TSPAN18: variants seen among roughly 807,000 people sequenced by gnomAD.
The protein encoded by TSPAN18 is tetraspanin 18, also known as tetraspanin-18.
TSPAN18 carries 14 observed loss-of-function variants against 27.3 expected under a neutral mutation model. The observed-to-expected ratio is 0.51, with a 90% CI of 0.34 to 0.80. TSPAN18 has a LOEUF of 0.80. Ranked by LOEUF, TSPAN18 falls within the 30% of genes least tolerant of loss-of-function variation. The pLI is 0.01. For missense variants in TSPAN18, 268 were observed against 323.9 expected (o/e 0.83, Z 1.32); for synonymous variants, 143 against 136.5 (o/e 1.05, Z -0.33).
rs114020613 is a variant in TSPAN18 at position 44,930,838 on chromosome 11, T to C, written c.*1660T>C. 9.0e-4 allele frequency: 452 copies of C among 499,914 alleles called. 1 individual carries two copies. The highest frequency in any genetic ancestry group is 7.8e-3 in the African/African-American group (400 of 51,214). The allele number at this position is 499,914 out of a possible 1,614,324, so 31.0% of individuals were successfully genotyped here. ...AGGAGCAGTGTGATGTCTGCTCTCT[T>C]CTCTCCCCTCTGTCCCTCTTCAGGA... On this transcript the variant is annotated 3_prime_UTR_variant, in exon 10 of 10. Coordinates refer to ENST00000520358, the MANE Select transcript of TSPAN18 (RefSeq NM_130783.5).
intron 5 of TSPAN18, among the ~76,000 whole-genome samples, chr11:44,912,850 G>C (rs1207464509): frequency 6.7e-6 from 1 of 148,968 alleles, no homozygotes; most frequent in Non-Finnish European, 1.5e-5. Context: ...TCATGTGTGC[G>C]TGGGTGCACA....
chr11:44,785,591 GC>G (rs971590411), intron 2 of TSPAN18, among the ~76,000 whole-genome samples: 1 of 149,692 alleles, frequency 6.7e-6, no homozygotes, highest in African/African-American at 2.5e-5. Context: ...CCAAACTGCA[GC>G]CCCCTGTGAG....
At chr11:44,814,494 C>T (rs894037408) in intron 2 of TSPAN18, among the ~76,000 whole-genome samples, 13 of 152,188 alleles carry the variant, frequency 8.5e-5, no homozygotes, top group African/African-American at 3.1e-4. Flanking sequence ...AGTCCCAGTG[C>T]CTCATTTTGC....
intron 5 of TSPAN18, among the ~76,000 whole-genome samples, chr11:44,916,575 T>G (rs1360945813): frequency 6.6e-6 from 1 of 151,950 alleles, no homozygotes. Context: ...CAGAAGTGGG[T>G]CTCCACATCC....
chr11:44,903,633 C>A, intron 3 of TSPAN18: 1 of 456,624 alleles, frequency 2.2e-6, no homozygotes, highest in Non-Finnish European at 4.4e-6. Context: ...AGGAGCAGGG[C>A]TGAGGCTGGA....
At chr11:44,826,164 T>C (rs1332355575) in intron 2 of TSPAN18, among the ~76,000 whole-genome samples, 4 of 152,212 alleles carry the variant, frequency 2.6e-5, no homozygotes, top group Admixed American at 2.6e-4. Context: ...GGCTTACGCC[T>C]GTAATCCCAG....
intron 6 of TSPAN18, 54 bp from the exon 7 acceptor site, chr11:44,919,160 T>C: frequency 7.1e-7 from 1 of 1,401,264 alleles, no homozygotes; most frequent in Non-Finnish European, 1.0e-6. Context: ...CGATGGAGGG[T>C]GGGGGCTGCA....
At chr11:44,820,491 C>T (rs977940169) in intron 2 of TSPAN18, among the ~76,000 whole-genome samples, 1 of 152,336 alleles carries the variant, frequency 6.6e-6, no homozygotes, top group African/African-American at 2.4e-5. Context: ...GGAGGTGCCA[C>T]GTGGCACTTG....
At chr11:44,927,263 C>A (rs1860395988) in intron 9 of TSPAN18, among the ~76,000 whole-genome samples, 1 of 152,242 alleles carries the variant, frequency 6.6e-6, no homozygotes, top group African/African-American at 2.4e-5. Context: ...CGTTTGCAAT[C>A]ACCACTAGGT....
intron 3 of TSPAN18, among the ~76,000 whole-genome samples, chr11:44,879,873 G>A (rs1009041029): frequency 1.3e-5 from 2 of 152,240 alleles, no homozygotes; most frequent in African/African-American, 4.8e-5. Flanking sequence ...GAAACTCAAG[G>A]CAAGTTGTCT....
chr11:44,855,948 T>C (rs1178445476), intron 2 of TSPAN18, among the ~76,000 whole-genome samples: 2 of 151,536 alleles, frequency 1.3e-5, no homozygotes, highest in East Asian at 3.9e-4. Context: ...AGTGGTGTGA[T>C]CTCGGCTCAC....
intron 2 of TSPAN18, among the ~76,000 whole-genome samples, chr11:44,777,405 C>T (rs1019200489): frequency 6.6e-6 from 1 of 152,162 alleles, no homozygotes; most frequent in African/African-American, 2.4e-5. Flanking sequence ...AGCAACTCTG[C>T]TTCAGCTCCC....
intron 8 of TSPAN18, among the ~76,000 whole-genome samples, chr11:44,923,758 C>T (rs1258473861): frequency 3.3e-5 from 5 of 152,128 alleles, no homozygotes; most frequent in African/African-American, 9.7e-5. Context: ...AAAGAGCCCA[C>T]GAGGCCCTAG....
chr11:44,854,959 C>T (rs1238080012), intron 2 of TSPAN18, among the ~76,000 whole-genome samples: 1 of 152,130 alleles, frequency 6.6e-6, no homozygotes, highest in Non-Finnish European at 1.5e-5. Context: ...GAAATAATTC[C>T]TTCCTTTATG....
At chr11:44,908,831 A>AGGAAGGAAGGAAGGAAGG (rs1590671451) in intron 4 of TSPAN18, among the ~76,000 whole-genome samples, 2 of 96,234 alleles carry the variant, frequency 2.1e-5, no homozygotes, top group African/African-American at 8.4e-5. Context: ...AAGAAAGAAA[A>AGGAAGGAAGGAAGGAAGG]AGAAAAATGG....
In TSPAN18 at chr11:44,895,879, C is replaced by T. The variant is rs528773044; in HGVS notation, c.-10-10528C>T. Among the ~76,000 whole-genome samples, 1,071 of 152,286 alleles carry T rather than the reference C, an allele frequency of 7.0e-3. 5 individuals are homozygous for T. Among genetic ancestry groups the T allele is most frequent in the Non-Finnish European group, 0.01 (696 of 67,996 alleles). The stretch of plus-strand genomic sequence containing the variant: ...GAAACCCATCACCCCGTCCTTGTTT[C>T]CCTGAGCCCTGGGGCTGGGCATGGG... On this transcript the variant is annotated intron_variant, in intron 3 of 9. Coordinates refer to ENST00000520358, the MANE Select transcript of TSPAN18 (RefSeq NM_130783.5).
rs116629452 is a variant in TSPAN18, at chr11:44,825,713, C to T, written c.-152-34615C>T. Among the ~76,000 whole-genome samples the T allele has an allele frequency of 3.7e-3, 565 of 152,178 alleles. 4 individuals are homozygous for T. Among genetic ancestry groups the T allele is most frequent in the African/African-American group, 0.013 (536 of 41,510 alleles). On this transcript the variant is annotated intron_variant, in intron 2 of 9. Coordinates refer to ENST00000520358, the MANE Select transcript of TSPAN18 (RefSeq NM_130783.5). The stretch of plus-strand genomic sequence containing the variant: ...TTTGAACCTGATGGAAATGTTGAAG[C>T]GGGGGTTGGCTGGGTTTTGTACACC...
At chr11:44,767,941 A>G (rs557263974) in intron 2 of TSPAN18, among the ~76,000 whole-genome samples, 3 of 152,286 alleles carry the variant, frequency 2.0e-5, no homozygotes, top group East Asian at 1.9e-4. Context: ...TGGGCTTTCA[A>G]TTCTGTGCCA....
intron 2 of TSPAN18, among the ~76,000 whole-genome samples, chr11:44,848,382 G>A (rs1857528158): frequency 6.6e-6 from 1 of 152,218 alleles, no homozygotes; most frequent in Non-Finnish European, 1.5e-5. Context: ...CCACTGAGCT[G>A]CCTTCCCCCA....
Sources: gnomAD v4.1 joint callset for allele counts (sites outside exome capture counted in the v4.1 genomes callset) on GRCh38, gnomAD v4.1.1 for gene constraint, MANE v1.5 for transcripts, NCBI Gene and HGNC (gene_info 2026-07-23, HGNC 2026-07-21) for gene names.